The following REC114 variants were observed in gnomAD, a reference collection of about 807,000 sequenced individuals.
The protein encoded by REC114 is meiotic recombination protein REC114.
REC114 carries 27 observed loss-of-function variants against 31.3 expected under a neutral mutation model. The observed-to-expected ratio is 0.86, with a 90% CI of 0.64 to 1.19. The LOEUF (loss-of-function observed/expected upper bound fraction) is 1.19. Ranked by LOEUF, REC114 falls within the 50% of genes most tolerant of loss-of-function variation. REC114 has a pLI of 0.00. For synonymous variants in REC114, 134 were observed against 127.7 expected (o/e 1.05, Z -0.33); for missense variants, 344 against 326.9 (o/e 1.05, Z -0.40).
chr15:73,462,103 T>G (rs1427181147), intron 1 of REC114, among the ~76,000 whole-genome samples: 1 of 151,724 alleles, frequency 6.6e-6, no homozygotes, highest in Non-Finnish European at 1.5e-5. Flanking sequence ...GGCTAATTTT[T>G]GTATTTTTTG....
intron 3 of REC114, among the ~76,000 whole-genome samples, chr15:73,541,462 G>A (rs558496357): frequency 6.6e-6 from 1 of 152,090 alleles, no homozygotes; most frequent in East Asian, 1.9e-4. Flanking sequence ...TAATAAAGAA[G>A]CATATATATT....
intron 2 of REC114, among the ~76,000 whole-genome samples, chr15:73,478,755 A>C (rs145264969): frequency 6.6e-6 from 1 of 152,192 alleles, no homozygotes; most frequent in Non-Finnish European, 1.5e-5. Context: ...TGTAGTTTTC[A>C]TAATACAGGT....
chr15:73,472,772 T>A (rs899323616), intron 1 of REC114, among the ~76,000 whole-genome samples: 1 of 152,158 alleles, frequency 6.6e-6, no homozygotes, highest in African/African-American at 2.4e-5. Flanking sequence ...CTCGATAGGT[T>A]GGAACTATAG....
chr15:73,540,956 CT>C lies in REC114; in HGVS notation c.333+392del, dbSNP rs1894230314. Among the ~76,000 whole-genome samples the C allele has an allele frequency of 3.3e-5, 5 of 152,082 alleles. No individual in the cohort carries two copies. The South Asian group carries it at 8.3e-4, about 25-fold the overall frequency. On this transcript the variant is annotated intron_variant, in intron 3 of 5. Coordinates refer to ENST00000331090, the MANE Select transcript of REC114 (RefSeq NM_001042367.2). ...TTCTTTTTAATATTAAAAAATTTCCCTTTTACTTGCTTTCTAGCTGTATTAA... is the reference window on the plus strand; with the variant it reads ...TTCTTTTTAATATTAAAAAATTTCCCTTTACTTGCTTTCTAGCTGTATTAA...
At chr15:73,452,341 C>T (rs1303537770) in intron 1 of REC114, among the ~76,000 whole-genome samples, 1 of 152,092 alleles carries the variant, frequency 6.6e-6, no homozygotes, top group Non-Finnish European at 1.5e-5. Flanking sequence ...ACACCAATAA[C>T]AGACAAACAG....
chr15:73,469,313 T>C (rs1249823770), intron 1 of REC114, among the ~76,000 whole-genome samples: 1 of 152,238 alleles, frequency 6.6e-6, no homozygotes, highest in South Asian at 2.1e-4. Flanking sequence ...GGGATGATTA[T>C]CTTTCTTGAT....
chr15:73,451,443 T>A (rs1313150788), intron 1 of REC114, among the ~76,000 whole-genome samples: 2 of 152,158 alleles, frequency 1.3e-5, no homozygotes, highest in East Asian at 3.9e-4. Context: ...AGAAGTTGAA[T>A]CCCTGAATAG....
chr15:73,466,407 A>C (rs970891604), intron 1 of REC114, among the ~76,000 whole-genome samples: 4 of 151,982 alleles, frequency 2.6e-5, no homozygotes, highest in Admixed American at 1.3e-4. Flanking sequence ...ACAAAAAATT[A>C]GCCAAGTGTG....
chr15:73,524,507 C>G (rs1380911888), intron 2 of REC114, among the ~76,000 whole-genome samples: 1 of 152,214 alleles, frequency 6.6e-6, no homozygotes, highest in Non-Finnish European at 1.5e-5. Context: ...ACAATTCTGA[C>G]TGAAAAATTA....
intron 2 of REC114, among the ~76,000 whole-genome samples, chr15:73,491,552 G>A (rs1429842317): frequency 6.6e-6 from 1 of 152,162 alleles, no homozygotes; most frequent in East Asian, 1.9e-4. Context: ...CCCAGTAAGT[G>A]TCTTTATAAG....
At chr15:73,493,324 ACT>A (rs1392797919) in intron 2 of REC114, among the ~76,000 whole-genome samples, 1 of 150,656 alleles carries the variant, frequency 6.6e-6, no homozygotes, top group African/African-American at 2.4e-5. Context: ...TCTGATCTTT[ACT>A]CTCTTGTTTC....
intron 2 of REC114, among the ~76,000 whole-genome samples, chr15:73,520,284 T>C (rs1241316830): frequency 3.9e-5 from 6 of 152,070 alleles, no homozygotes; most frequent in African/African-American, 1.4e-4. Context: ...CAGGCTGGAG[T>C]GCAGTGGCAC....
intron 1 of REC114, among the ~76,000 whole-genome samples, chr15:73,469,313 T>A (rs1249823770): frequency 5.3e-5 from 8 of 152,238 alleles, no homozygotes. Flanking sequence ...GGGATGATTA[T>A]CTTTCTTGAT....
intron 5 of REC114, among the ~76,000 whole-genome samples, chr15:73,558,113 G>A (rs886812062): frequency 2.0e-5 from 3 of 152,160 alleles, no homozygotes; most frequent in African/African-American, 4.8e-5. Flanking sequence ...GCTGAGGCAG[G>A]AGGATCATTT....
chr15:73,470,193 C>T (rs1312018895), intron 1 of REC114, among the ~76,000 whole-genome samples: 1 of 151,754 alleles, frequency 6.6e-6, no homozygotes, highest in African/African-American at 2.4e-5. Context: ...TATAATTTTC[C>T]CATCTGTTCT....
intron 4 of REC114, among the ~76,000 whole-genome samples, chr15:73,551,888 C>G (rs942412324): frequency 2.6e-5 from 4 of 152,188 alleles, no homozygotes; most frequent in African/African-American, 9.6e-5. Context: ...AAACTTGTAT[C>G]TGCCACATGA....
intron 2 of REC114, among the ~76,000 whole-genome samples, chr15:73,489,237 T>C (rs1893413414): frequency 7.6e-6 from 1 of 131,570 alleles, no homozygotes; most frequent in Admixed American, 9.0e-5. Flanking sequence ...AGAGTCTCAC[T>C]CTGTTGCCCA....
chr15:73,541,580 T>A (rs1894237404), intron 3 of REC114, among the ~76,000 whole-genome samples: 7 of 152,176 alleles, frequency 4.6e-5, no homozygotes, highest in Admixed American at 4.6e-4. Context: ...TGAGAAGGGG[T>A]CCACTGGCTT....
Position 73,542,428 on chromosome 15 carries a change from G to A in REC114, c.333+1860G>A, listed in dbSNP as rs145265051. On this transcript the variant is annotated intron_variant, in intron 3 of 5. Transcript: ENST00000331090. ...TCAACAGTGTCCAGGTTGGCATCTC[G>A]GTAATTCTCCTGGCCTCTCCCTCTT... Among the ~76,000 whole-genome samples, 12 of 151,946 alleles carry A rather than the reference G, an allele frequency of 7.9e-5. No homozygotes were observed. In the East Asian group the frequency reaches 1.7e-3, roughly 22 times the overall value.
Sources: gnomAD v4.1 joint callset for allele counts (sites outside exome capture counted in the v4.1 genomes callset) on GRCh38, gnomAD v4.1.1 for gene constraint, MANE v1.5 for transcripts, NCBI Gene and HGNC (gene_info 2026-07-23, HGNC 2026-07-21) for gene names.